Variants in RXFP1 observed in about 807,000 individuals in gnomAD.
RXFP1 encodes the protein relaxin receptor 1.
In RXFP1, 73 loss-of-function variants were observed where a neutral mutation model predicts 89.8. The ratio of observed to expected loss-of-function variants is 0.81; its 90% confidence interval spans 0.67 to 0.99. The LOEUF (loss-of-function observed/expected upper bound fraction) is 0.99. Among genes scored for constraint, RXFP1 ranks in the 50% least tolerant of loss-of-function variants. The pLI is 0.00. For missense variants in RXFP1, 793 were observed against 895.5 expected (o/e 0.89, Z 1.46); for synonymous variants, 277 against 305.5 (o/e 0.91, Z 0.97).
At chr4:158,522,999 C>A (rs1741561199) in intron 1 of RXFP1, among the ~76,000 whole-genome samples, 1 of 152,164 alleles carries the variant, frequency 6.6e-6, no homozygotes, top group South Asian at 2.1e-4. Context: ...TTTCCTCCTT[C>A]TTTCCTCCTT....
rs907578455 is a variant in RXFP1 at position 158,525,223 on chromosome 4, G to GC, written c.49+3198_49+3199insC. Among the ~76,000 whole-genome samples the GC allele has an allele frequency of 7.9e-5, 12 of 151,678 alleles. No homozygotes were observed. The East Asian group carries it at 9.7e-4, about 12-fold the overall frequency. ...GTGTCCCACCTTATACTTTGGCGGG[G>GC]GGGGGTTGGGTTTTTTTTTTAATTT... On this transcript the variant is annotated intron_variant, in intron 1 of 17. Coordinates refer to ENST00000307765, the MANE Select transcript of RXFP1 (RefSeq NM_021634.4).
At chr4:158,614,386 A>G (rs909954249) in intron 8 of RXFP1, among the ~76,000 whole-genome samples, 2 of 152,228 alleles carry the variant, frequency 1.3e-5, no homozygotes, top group African/African-American at 4.8e-5. Context: ...TTTCATCTAC[A>G]TTGAAAATCT....
chr4:158,557,846 G>A (rs190687208), intron 1 of RXFP1, among the ~76,000 whole-genome samples: 75 of 152,300 alleles, frequency 4.9e-4, no homozygotes, highest in Non-Finnish European at 2.9e-4. Context: ...TGACTCCACT[G>A]CTTCACTGGA....
intron 6 of RXFP1, chr4:158,610,574 C>A (rs1763388348): frequency 4.7e-6 from 3 of 642,250 alleles, no homozygotes; most frequent in Non-Finnish European, 5.0e-6. Context: ...AAGTTCCAAA[C>A]CTGTGTTGCT....
chr4:158,565,038 T>A (rs2149961025), intron 1 of RXFP1, among the ~76,000 whole-genome samples: 1 of 152,252 alleles, frequency 6.6e-6, no homozygotes, highest in Non-Finnish European at 1.5e-5. Flanking sequence ...ATTTCGGAGT[T>A]CCACTGGGGT....
At chr4:158,548,518 G>A (rs1258661279) in intron 1 of RXFP1, among the ~76,000 whole-genome samples, 7 of 152,240 alleles carry the variant, frequency 4.6e-5, no homozygotes, top group East Asian at 1.9e-4. Flanking sequence ...TATTTTGCTC[G>A]TTAGTTGATG....
chr4:158,522,437 G>A (rs1741413674), intron 1 of RXFP1, among the ~76,000 whole-genome samples: 1 of 152,086 alleles, frequency 6.6e-6, no homozygotes, highest in South Asian at 2.1e-4. Context: ...TTTGTCATTT[G>A]CTATCATAGG....
chr4:158,563,782 TAC>T (rs973037371), intron 1 of RXFP1, among the ~76,000 whole-genome samples: 1 of 151,236 alleles, frequency 6.6e-6, no homozygotes, highest in African/African-American at 2.4e-5. Flanking sequence ...CCCATAAGAT[TAC>T]AATGGAGCCA....
chr4:158,583,876 T>A (rs1757820404), intron 2 of RXFP1, among the ~76,000 whole-genome samples: 1 of 152,178 alleles, frequency 6.6e-6, no homozygotes, highest in Admixed American at 6.5e-5. Flanking sequence ...CCATAAACAG[T>A]TGCCTCCAAA....
chr4:158,530,481 C>T (rs1743754618), intron 1 of RXFP1, among the ~76,000 whole-genome samples: 1 of 152,134 alleles, frequency 6.6e-6, no homozygotes. Context: ...GATTCATTTT[C>T]AATGGTCCAG....
chr4:158,651,794 C>T lies in RXFP1; in HGVS notation c.2013C>T (p.Pro671=), dbSNP rs1772790634. Residue 671 remains proline (P), a synonymous_variant, in exon 18 of 18, where the codon CCC becomes CCT. Coordinates refer to ENST00000307765, the MANE Select transcript of RXFP1 (RefSeq NM_021634.4). ...ITSWVVIFIL[P]INSALNPILY... ...CTTGGGTAGTGATTTTTATTCTGCC[C>T]ATTAACAGTGCTTTGAACCCAATTC... 6.2e-7 allele frequency: 1 copy of T among 1,613,478 alleles called. No homozygotes were observed. The highest frequency in any genetic ancestry group is 8.5e-7 in the Non-Finnish European group (1 of 1,179,720).
At chr4:158,551,270 CAT>C (rs1320463835) in intron 1 of RXFP1, among the ~76,000 whole-genome samples, 1 of 152,092 alleles carries the variant, frequency 6.6e-6, no homozygotes, top group Non-Finnish European at 1.5e-5. Context: ...TAGCCAAACT[CAT>C]AGAAGTAGAG....
chr4:158,603,029 C>G (rs144838942), intron 4 of RXFP1, among the ~76,000 whole-genome samples: 3 of 152,324 alleles, frequency 2.0e-5, no homozygotes, highest in Non-Finnish European at 4.4e-5. Context: ...CTCTGAGGCT[C>G]AGGTGATCCT....
intron 8 of RXFP1, among the ~76,000 whole-genome samples, chr4:158,614,633 T>C (rs1764201036): frequency 6.6e-6 from 1 of 152,228 alleles, no homozygotes; most frequent in South Asian, 2.1e-4. Context: ...GATTAGGCTT[T>C]GGCTTAAAGG....
intron 15 of RXFP1, chr4:158,646,504 G>T: frequency 7.9e-7 from 1 of 1,266,408 alleles, no homozygotes; most frequent in South Asian, 1.6e-5. Flanking sequence ...TATGTGATGG[G>T]TCTAGAACAA....
intron 1 of RXFP1, among the ~76,000 whole-genome samples, chr4:158,561,785 G>C (rs1752505734): frequency 6.6e-6 from 1 of 151,686 alleles, no homozygotes; most frequent in African/African-American, 2.4e-5. Context: ...GTGCTACCAT[G>C]CTCGGCTAAT....
intron 9 of RXFP1, 93 bp from the exon 10 acceptor site, chr4:158,626,722 TAAAGA>T (rs1766920416): frequency 2.9e-6 from 2 of 701,254 alleles, no homozygotes; most frequent in Admixed American, 3.1e-5. Flanking sequence ...AAACAGTATG[TAAAGA>T]AAAGATATTT....
rs894735965 is a variant in RXFP1, at chr4:158,540,375, C to T, written c.49+18350C>T. On this transcript the variant is annotated intron_variant, in intron 1 of 17. Transcript: ENST00000307765. ...TATAGGGTAACTGACATTGCCATGGCGCCTGTAAACTGTCATGCACTGGTG... is the reference window on the plus strand; with the variant it reads ...TATAGGGTAACTGACATTGCCATGGTGCCTGTAAACTGTCATGCACTGGTG... Among the ~76,000 whole-genome samples, 18 of 151,904 alleles carry T rather than the reference C, an allele frequency of 1.2e-4. 1 individual carries two copies. In the South Asian group the frequency reaches 1.2e-3, roughly 11 times the overall value.
chr4:158,648,628 G>GT lies in RXFP1; in HGVS notation c.1892dup (p.Phe632LeufsTer6), dbSNP rs750577897. 7 of 1,612,948 alleles carry GT rather than the reference G, an allele frequency of 4.3e-6. No homozygotes were observed. The highest frequency in any genetic ancestry group is 1.3e-5 in the African/African-American group (1 of 74,832). On this transcript the variant is annotated frameshift_variant, in exon 17 of 18. Coordinates refer to ENST00000307765, the MANE Select transcript of RXFP1 (RefSeq NM_021634.4). LOFTEE classifies it high-confidence loss of function. ...AAAAAAGAGATGATCCTTGCCAAAC[G>GT]TTTTTTCTTTATAGTATTTACTGAT...
Sources: gnomAD v4.1 joint callset for allele counts (sites outside exome capture counted in the v4.1 genomes callset) on GRCh38, gnomAD v4.1.1 for gene constraint, MANE v1.5 for transcripts, NCBI Gene and HGNC (gene_info 2026-07-23, HGNC 2026-07-21) for gene names.